CORO2A: variants seen among roughly 807,000 people sequenced by gnomAD.
CORO2A encodes the protein coronin 2A.
A neutral mutation model predicts 62.4 loss-of-function variants in CORO2A; 47 were observed. That is an observed-to-expected ratio of 0.75 (90% CI 0.60 to 0.96). The LOEUF (loss-of-function observed/expected upper bound fraction) is 0.96, where lower values mean the gene tolerates loss of function less well. Among genes scored for constraint, CORO2A ranks in the 40% least tolerant of loss-of-function variants. The pLI is 0.00. For missense variants in CORO2A, 610 were observed against 684.1 expected (o/e 0.89, Z 1.21); for synonymous variants, 273 against 268.9 (o/e 1.02, Z -0.15).
chr9:98,171,655 A>C (rs774802815), intron 1 of CORO2A, among the ~76,000 whole-genome samples: 2 of 151,978 alleles, frequency 1.3e-5, no homozygotes, highest in African/African-American at 4.8e-5. Context: ...GGCCAAGTAG[A>C]GCAAGCCCAG....
chr9:98,182,629 T>C (rs968185847), intron 1 of CORO2A, among the ~76,000 whole-genome samples: 3 of 152,190 alleles, frequency 2.0e-5, no homozygotes, highest in African/African-American at 7.2e-5. Flanking sequence ...TTAGACCAGG[T>C]TCAAAGCCCA....
At chr9:98,189,303 T>A (rs1564223080) in intron 1 of CORO2A, among the ~76,000 whole-genome samples, 1 of 152,288 alleles carries the variant, frequency 6.6e-6, no homozygotes, top group East Asian at 1.9e-4. Context: ...GCACGTCCAA[T>A]CTGTTCTGAA....
intron 1 of CORO2A, among the ~76,000 whole-genome samples, chr9:98,165,321 G>C (rs187989494): frequency 2.9e-4 from 44 of 152,332 alleles, no homozygotes; most frequent in Admixed American, 2.3e-3. Flanking sequence ...GTCTGCGAGA[G>C]AGGAGGCTCT....
intron 1 of CORO2A, among the ~76,000 whole-genome samples, chr9:98,189,413 A>C (rs1390318746): frequency 1.3e-5 from 2 of 152,180 alleles, no homozygotes; most frequent in African/African-American, 4.8e-5. Flanking sequence ...AAACACACCA[A>C]CTTCTAAAAC....
chr9:98,129,747 C>T (rs1237888461), intron 8 of CORO2A, 47 bp downstream of exon 8: 1 of 1,476,034 alleles, frequency 6.8e-7, no homozygotes, highest in Non-Finnish European at 9.5e-7. Flanking sequence ...CCTCGGCCTC[C>T]CGAAGTGCTG....
chr9:98,125,870 A>C (rs1827309763), intron 11 of CORO2A, among the ~76,000 whole-genome samples: 1 of 151,172 alleles, frequency 6.6e-6, no homozygotes. Context: ...GGCACGCACC[A>C]CCATACCCAG....
intron 3 of CORO2A, among the ~76,000 whole-genome samples, chr9:98,135,891 C>G (rs190237029): frequency 5.9e-5 from 9 of 152,254 alleles, no homozygotes; most frequent in Non-Finnish European, 1.3e-4. Flanking sequence ...TGCATAGAAC[C>G]CCGGGAGGAA....
chr9:98,128,512 C>A, intron 9 of CORO2A, 95 bp downstream of exon 9: 1 of 1,119,588 alleles, frequency 8.9e-7, no homozygotes, highest in Non-Finnish European at 1.3e-6. Context: ...GCCCCATGAA[C>A]GTGGGCTCCA....
intron 2 of CORO2A, among the ~76,000 whole-genome samples, chr9:98,149,644 C>A (rs1359722465): frequency 6.6e-6 from 1 of 152,144 alleles, no homozygotes; most frequent in Non-Finnish European, 1.5e-5. Flanking sequence ...CAGGTGAACT[C>A]ATTATCACAG....
intron 1 of CORO2A, among the ~76,000 whole-genome samples, chr9:98,177,364 T>C (rs974635931): frequency 6.6e-6 from 1 of 151,438 alleles, no homozygotes; most frequent in African/African-American, 2.4e-5. Flanking sequence ...AAATCCCTAC[T>C]GGAGCAACGC....
At chr9:98,134,314 T>G (rs942025107) in intron 4 of CORO2A, among the ~76,000 whole-genome samples, 2 of 152,132 alleles carry the variant, frequency 1.3e-5, no homozygotes, top group African/African-American at 4.8e-5. Flanking sequence ...TGATTGTCAG[T>G]GGAGCAGGGT....
intron 1 of CORO2A, among the ~76,000 whole-genome samples, chr9:98,158,211 C>T (rs1305420465): frequency 6.6e-6 from 1 of 151,990 alleles, no homozygotes; most frequent in Non-Finnish European, 1.5e-5. Context: ...TTTGGGAGGC[C>T]AAGGCAGGAG....
chr9:98,150,555 C>T (rs538792069), intron 2 of CORO2A, among the ~76,000 whole-genome samples: 1 of 152,284 alleles, frequency 6.6e-6, no homozygotes, highest in East Asian at 1.9e-4. Context: ...ACTAGGTCCC[C>T]TCTCCCAACC....
At chr9:98,177,192 G>A (rs191942200) in intron 1 of CORO2A, among the ~76,000 whole-genome samples, 9 of 152,270 alleles carry the variant, frequency 5.9e-5, no homozygotes, top group African/African-American at 2.2e-4. Flanking sequence ...AGAAAGGCCG[G>A]CAGAGCATCA....
At chr9:98,158,288 A>G (rs1827834456) in intron 1 of CORO2A, among the ~76,000 whole-genome samples, 1 of 152,210 alleles carries the variant, frequency 6.6e-6, no homozygotes, top group African/African-American at 2.4e-5. Flanking sequence ...TCTAAAAAAA[A>G]AATAAAAGAG....
intron 2 of CORO2A, among the ~76,000 whole-genome samples, chr9:98,156,352 A>G (rs1294925114): frequency 6.6e-6 from 1 of 152,128 alleles, no homozygotes; most frequent in Non-Finnish European, 1.5e-5. Context: ...AACTTCTTAG[A>G]TGGAATGTTT....
intron 1 of CORO2A, 71 bp from the exon 2 acceptor site, chr9:98,157,731 C>A: frequency 7.1e-7 from 1 of 1,417,202 alleles, no homozygotes. Context: ...GAGCTCTCAT[C>A]TTAAGAGTAC....
intron 2 of CORO2A, among the ~76,000 whole-genome samples, chr9:98,152,802 A>T (rs1827744759): frequency 6.6e-6 from 1 of 152,230 alleles, no homozygotes; most frequent in Admixed American, 6.5e-5. Flanking sequence ...ATTTAGAAAC[A>T]TTCTACTGAA....
intron 1 of CORO2A, among the ~76,000 whole-genome samples, chr9:98,163,768 G>GAA (rs1554746146): frequency 0.028 from 4,067 of 146,986 alleles, 141 homozygotes; most frequent in African/African-American, 0.076. Flanking sequence ...GAGAGAGAGA[G>GAA]AGAGAGAAAG....
Sources: allele counts gnomAD v4.1 joint callset (sites outside exome capture counted in the v4.1 genomes callset), GRCh38; gene constraint gnomAD v4.1.1; transcripts MANE v1.5; gene names NCBI Gene and HGNC (gene_info 2026-07-23, HGNC 2026-07-21).